The following TMEM131L variants were observed in gnomAD, a reference collection of about 807,000 sequenced individuals.
The protein encoded by TMEM131L is transmembrane protein 131-like.
A neutral mutation model predicts 192.2 loss-of-function variants in TMEM131L; 54 were observed. The ratio of observed to expected loss-of-function variants is 0.28; its 90% CI spans 0.23 to 0.35. TMEM131L has a LOEUF of 0.35. Among genes scored for constraint, TMEM131L ranks in the 10% least tolerant of loss-of-function variants. The pLI is 1.00. For synonymous variants in TMEM131L, 701 were observed against 704.9 expected, an observed-to-expected ratio of 0.99 and a Z score of 0.09; for missense variants, 1,888 against 1,972.9, an observed-to-expected ratio of 0.96 and a Z score of 0.82.
At chr4:153,614,312 A>G (rs1232643250) in intron 26 of TMEM131L, among the ~76,000 whole-genome samples, 1 of 152,248 alleles carries the variant, frequency 6.6e-6, no homozygotes, top group Non-Finnish European at 1.5e-5. Context: ...GGAAGCACAA[A>G]TGGTGACATA....
intron 3 of TMEM131L, among the ~76,000 whole-genome samples, chr4:153,497,530 T>C (rs548813352): frequency 6.6e-6 from 1 of 152,154 alleles, no homozygotes; most frequent in Non-Finnish European, 1.5e-5. Flanking sequence ...CTCCATAGAA[T>C]TGTGTACCAG....
chr4:153,515,099 A>G lies in TMEM131L; in HGVS notation c.240-34974A>G, dbSNP rs749888647. On this transcript the variant is annotated intron_variant, in intron 3 of 34. Transcript: ENST00000409959. ...AGTGCTGGGATTGCAGGCATTAGCC[A>G]CCGTGCTCAGCCTACTTCACCCTTT... Among the ~76,000 whole-genome samples, 4 of 152,240 alleles carry G rather than the reference A, an allele frequency of 2.6e-5. No homozygotes were observed. The South Asian group carries it at 6.2e-4, about 24-fold the overall frequency.
intron 3 of TMEM131L, among the ~76,000 whole-genome samples, chr4:153,488,938 T>G (rs1179406083): frequency 6.6e-6 from 1 of 152,152 alleles, no homozygotes; most frequent in African/African-American, 2.4e-5. Flanking sequence ...TCTCCGTGCT[T>G]TCACGTGGCT....
chr4:153,550,138 T>G lies in TMEM131L; in HGVS notation c.305T>G (p.Ile102Arg). Residue 102 changes from isoleucine to arginine, a missense_variant, in exon 4 of 35, where the codon ATA becomes AGA. By Grantham distance (97) the Ile-to-Arg change is moderately conservative. Coordinates refer to ENST00000409959, the MANE Select transcript of TMEM131L (RefSeq NM_001131007.2). ...CAGCCATCAGTTTTAGATTTTGGAATACAGTAAGTATCTTTTCTTTATAAT... is the reference window on the plus strand; with the variant it reads ...CAGCCATCAGTTTTAGATTTTGGAAGACAGTAAGTATCTTTTCTTTATAAT... ...HFQPSVLDFG[I>R]QFLGHPVAKI... 1.5e-6 allele frequency: 2 copies of G among 1,321,760 alleles called. No homozygotes were observed. The highest frequency in any genetic ancestry group is 2.1e-6 in the Non-Finnish European group (2 of 963,024). The allele number at this position is 1,321,760 out of a possible 1,614,324, so 81.9% of individuals were successfully genotyped here.
chr4:153,533,915 T>C (rs1250230172), intron 3 of TMEM131L, among the ~76,000 whole-genome samples: 2 of 152,242 alleles, frequency 1.3e-5, no homozygotes, highest in African/African-American at 4.8e-5. Flanking sequence ...AAAAGAAATA[T>C]AACCAACCTG....
At chr4:153,609,045 ACT>A (rs1053132917) in intron 25 of TMEM131L, among the ~76,000 whole-genome samples, 29 of 152,136 alleles carry the variant, frequency 1.9e-4, no homozygotes, top group African/African-American at 7.0e-4. Context: ...ACTGTGGTAC[ACT>A]CTTACTCAGT....
At chr4:153,629,589 T>C (rs1299056236) in intron 31 of TMEM131L, among the ~76,000 whole-genome samples, 1 of 152,234 alleles carries the variant, frequency 6.6e-6, no homozygotes, top group East Asian at 1.9e-4. Context: ...AGAAGAATTA[T>C]GTGAGTTGCC....
chr4:153,474,416 C>T (rs1004491883), intron 3 of TMEM131L, among the ~76,000 whole-genome samples: 8 of 152,138 alleles, frequency 5.3e-5, no homozygotes, highest in African/African-American at 1.9e-4. Context: ...GTGCTTTGGT[C>T]AGAGGGAATG....
chr4:153,523,248 G>GT (rs1433816883), intron 3 of TMEM131L, among the ~76,000 whole-genome samples: 1 of 152,182 alleles, frequency 6.6e-6, no homozygotes. Context: ...ATTTAAAACT[G>GT]CCAGAAGTAT....
intron 3 of TMEM131L, among the ~76,000 whole-genome samples, chr4:153,521,267 T>C (rs1735090707): frequency 6.6e-6 from 1 of 152,108 alleles, no homozygotes; most frequent in African/African-American, 2.4e-5. Context: ...GGTGCTGATA[T>C]CATTGAGAAG....
At chr4:153,477,724 TACTC>T (rs776408500) in intron 3 of TMEM131L, among the ~76,000 whole-genome samples, 4 of 152,220 alleles carry the variant, frequency 2.6e-5, no homozygotes, top group African/African-American at 4.8e-5. Context: ...CAGAAAATAG[TACTC>T]ACTCTTGTTG....
At chr4:153,470,755 G>A (rs1339537640) in intron 2 of TMEM131L, among the ~76,000 whole-genome samples, 1 of 152,202 alleles carries the variant, frequency 6.6e-6, no homozygotes, top group Non-Finnish European at 1.5e-5. Context: ...ACGCATAGGT[G>A]ATGTCCACCT....
At chr4:153,596,707 A>G (rs1402718583) in intron 20 of TMEM131L, among the ~76,000 whole-genome samples, 1 of 152,230 alleles carries the variant, frequency 6.6e-6, no homozygotes, top group Non-Finnish European at 1.5e-5. Flanking sequence ...TCCTTAGCAT[A>G]GAAAGATCGT....
chr4:153,541,621 A>C (rs944516479), intron 3 of TMEM131L, among the ~76,000 whole-genome samples: 4 of 152,246 alleles, frequency 2.6e-5, no homozygotes, highest in African/African-American at 9.6e-5. Context: ...TCAGGAGCTC[A>C]GCAGAGTCTA....
At chr4:153,466,563 GC>G in intron 1 of TMEM131L, 42 bp downstream of exon 1, 2 of 1,276,308 alleles carry the variant, frequency 1.6e-6, no homozygotes, top group South Asian at 2.4e-5. Context: ...TCTCCACCCC[GC>G]CCCCGCTCTT....
chr4:153,628,717 AC>A (rs1734016547), intron 31 of TMEM131L, among the ~76,000 whole-genome samples: 1 of 152,170 alleles, frequency 6.6e-6, no homozygotes, highest in Non-Finnish European at 1.5e-5. Flanking sequence ...AGATGGTACT[AC>A]CTTTTTTTCT....
In TMEM131L at chr4:153,604,207, T is replaced by A. The variant is rs75258507; in HGVS notation, c.3195T>A (p.Ile1065=). 1.8e-5 allele frequency: 29 copies of A among 1,613,916 alleles called. No homozygotes were observed. The highest frequency in any genetic ancestry group is 4.0e-5 in the African/African-American group (3 of 74,922). Residue 1065 remains isoleucine (I), a synonymous_variant, in exon 25 of 35, where the codon ATT becomes ATA. Transcript: ENST00000409959. ...NKEENTLKNT[I]VFSNPSSECS... is the part of the protein sequence containing the mutation. ...AAGAAAACACACTGAAAAACACAATTGTTTTCAGTAATCCTTCTTCAGAAT... is the reference window on the plus strand; with the variant it reads ...AAGAAAACACACTGAAAAACACAATAGTTTTCAGTAATCCTTCTTCAGAAT...
chr4:153,596,505 G>C (rs1020469445), intron 20 of TMEM131L, 120 bp downstream of exon 20: 11 of 1,242,844 alleles, frequency 8.9e-6, no homozygotes, highest in Non-Finnish European at 1.2e-5. Context: ...GCTGTGTTGC[G>C]GGGTAGGAAG....
intron 26 of TMEM131L, among the ~76,000 whole-genome samples, chr4:153,615,119 C>T (rs796158913): frequency 3.3e-5 from 5 of 152,244 alleles, no homozygotes; most frequent in East Asian, 1.9e-4. Context: ...CTATAATATT[C>T]GGTTAGTTAT....
Sources: allele counts gnomAD v4.1 joint callset (sites outside exome capture counted in the v4.1 genomes callset), GRCh38; gene constraint gnomAD v4.1.1; transcripts MANE v1.5; gene names NCBI Gene and HGNC (gene_info 2026-07-23, HGNC 2026-07-21).